MYBL2: variants seen among roughly 807,000 people sequenced by gnomAD.
MYBL2 encodes MYB proto-oncogene like 2, also known as myb-related protein B.
A neutral mutation model predicts 79.9 loss-of-function variants in MYBL2; 28 were observed. The ratio of observed to expected loss-of-function variants is 0.35; its 90% CI spans 0.26 to 0.48. MYBL2 has a LOEUF of 0.48. Among genes scored for constraint, MYBL2 ranks in the 20% least tolerant of loss-of-function variants. The pLI is 0.99. For missense variants in MYBL2, 735 were observed against 893.9 expected, an observed-to-expected ratio of 0.82 and a Z score of 2.27; for synonymous variants, 378 against 361.2, an observed-to-expected ratio of 1.05 and a Z score of -0.53.
At chr20:43,714,366 C>G (rs1319710587) in intron 12 of MYBL2, among the ~76,000 whole-genome samples, 1 of 152,192 alleles carries the variant, frequency 6.6e-6, no homozygotes. Context: ...TTGGCTCCTC[C>G]TGAGGCTTTA....
rs1421056874 is a variant in MYBL2, at chr20:43,710,000, A to G, written c.1543A>G (p.Thr515Ala). The G allele has an allele frequency of 1.9e-6, 3 of 1,607,402 alleles. No homozygotes were observed. The highest frequency in any genetic ancestry group is 3.4e-5 in the Admixed American group (2 of 58,992). ...TPDQKYSMDNTPHTPTPFKNA... is the reference protein window; with the variant it reads ...TPDQKYSMDNAPHTPTPFKNA... Reference sequence around the variant, plus strand: ...AGATCAGAAGTACTCCATGGACAACACTCCCCACACGCCAACCCCGTTCAA... The same window carrying G: ...AGATCAGAAGTACTCCATGGACAACGCTCCCCACACGCCAACCCCGTTCAA... The change falls in exon 10 of 14, where the codon ACT becomes GCT. Residue 515 changes from threonine to alanine, a missense_variant. Thr to Ala is a moderately conservative substitution (Grantham distance 58). Transcript: ENST00000217026.
rs778719386 is a variant in MYBL2, at chr20:43,702,781, A to G, written c.1243A>G (p.Lys415Glu). ...TPPSVLKRQR[K>E]RRVALSPVTE... ...GCCCTCTGTGCTCAAGCGGCAGAGG[A>G]AGAGGCGTGTGGCTCTGTCCCCTGT... is the stretch of plus-strand genomic sequence containing the variant. Residue 415 changes from lysine (K) to glutamate (E), a missense_variant, in exon 8 of 14, where the codon AAG (lysine) becomes GAG (glutamate). Physicochemically the swap from Lys to Glu is moderately conservative, Grantham distance 56. Transcript: ENST00000217026. 1.7e-5 allele frequency: 27 copies of G among 1,614,056 alleles called. No homozygotes were observed. The highest frequency in any genetic ancestry group is 2.2e-5 in the Non-Finnish European group (26 of 1,180,034).
rs1987952204 is a variant in MYBL2, at chr20:43,713,231, G to A, written c.1824+125G>A. 5 of 585,956 alleles carry A rather than the reference G, an allele frequency of 8.5e-6. 1 individual carries two copies. Among genetic ancestry groups the A allele is most frequent in the South Asian group, 7.3e-5 (4 of 54,548 alleles). The allele number at this position is 585,956 out of a possible 1,614,324, so 36.3% of individuals were successfully genotyped here. A position where few individuals can be genotyped will look rare whatever the true frequency, so the allele number is the denominator to read the frequency against. On this transcript the variant is annotated intron_variant, in intron 12 of 13. Coordinates refer to ENST00000217026, the MANE Select transcript of MYBL2 (RefSeq NM_002466.4). ...CTGCAGGGAGGGGCTATCAGGGAGG[G>A]TGGGTCCGGGCACCCACTCATGGCT...
chr20:43,690,649 T>A (rs184397039), intron 5 of MYBL2, among the ~76,000 whole-genome samples: 3 of 152,352 alleles, frequency 2.0e-5, no homozygotes, highest in African/African-American at 7.2e-5. Context: ...TCTCTTAGAC[T>A]GGGTGCTCAG....
intron 1 of MYBL2, among the ~76,000 whole-genome samples, chr20:43,673,184 A>G (rs184391261): frequency 2.6e-4 from 39 of 150,254 alleles, no homozygotes; most frequent in Middle Eastern, 3.6e-3. Context: ...ACCTCAAGCA[A>G]TCCACCCACC....
At chr20:43,670,458 C>T (rs1301212070) in intron 1 of MYBL2, among the ~76,000 whole-genome samples, 1 of 152,096 alleles carries the variant, frequency 6.6e-6, no homozygotes, top group Non-Finnish European at 1.5e-5. Flanking sequence ...TTGGGTCTTG[C>T]CTGGCCTAAA....
At chr20:43,712,731 TG>T (rs1284628659) in intron 11 of MYBL2, among the ~76,000 whole-genome samples, 1 of 152,158 alleles carries the variant, frequency 6.6e-6, no homozygotes, top group African/African-American at 2.4e-5. Context: ...GGTCACTTCG[TG>T]GTGGAGGTTC....
In MYBL2 at chr20:43,686,908, C is replaced by A. The variant is rs1987289020; in HGVS notation, c.336C>A (p.His112Gln). 6.2e-7 allele frequency: 1 copy of A among 1,614,058 alleles called. No individual in the cohort carries two copies. The highest frequency in any genetic ancestry group is 1.7e-5 in the Admixed American group (1 of 59,990). The change falls in exon 5 of 14, where the codon CAC (histidine) becomes CAA (glutamine). Residue 112 changes from histidine to glutamine, a missense_variant. His to Gln is a conservative substitution (Grantham distance 24). Around this residue, in one of 5 missense-constraint regions of MYBL2, gnomAD observed 65 missense variants for 145.2 expected, o/e 0.45. Coordinates refer to ENST00000217026, the MANE Select transcript of MYBL2 (RefSeq NM_002466.4). Reference sequence around the variant, plus strand: ...AGCAGTGGACACTGATTGCCAAGCACCTGAAGGGCCGGCTGGGGAAGCAGT... The same window carrying A: ...AGCAGTGGACACTGATTGCCAAGCAACTGAAGGGCCGGCTGGGGAAGCAGT... Reference protein sequence around the residue: ...GTKQWTLIAKHLKGRLGKQCR... With the variant: ...GTKQWTLIAKQLKGRLGKQCR...
At chr20:43,711,717 A>G in intron 11 of MYBL2, 116 bp downstream of exon 11, 1 of 894,156 alleles carries the variant, frequency 1.1e-6, no homozygotes, top group South Asian at 1.6e-5. Flanking sequence ...GGGGCGTAGC[A>G]TATCCCCTTT....
At chr20:43,701,440 A>C (rs539453171) in intron 7 of MYBL2, among the ~76,000 whole-genome samples, 1 of 152,278 alleles carries the variant, frequency 6.6e-6, no homozygotes, top group South Asian at 2.1e-4. Flanking sequence ...AGAAGCCAGA[A>C]CCCAAAGACC....
At chr20:43,686,270 T>A (rs1253794247) in intron 4 of MYBL2, among the ~76,000 whole-genome samples, 2 of 151,996 alleles carry the variant, frequency 1.3e-5, no homozygotes, top group African/African-American at 4.8e-5. Context: ...CTCTTGTGGC[T>A]GCGTATGTTG....
chr20:43,716,380 C>G lies in MYBL2; in HGVS notation c.*293C>G, dbSNP rs1249095220. 2 of 447,758 alleles carry G rather than the reference C, an allele frequency of 4.5e-6. No individual in the cohort carries two copies. Among genetic ancestry groups the G allele is most frequent in the South Asian group, 2.8e-5 (1 of 36,360 alleles). 27.7% of individuals were successfully genotyped at this position (447,758 alleles called of 1,614,324 possible). ...CTCCCAAGCCCACGTCAGGCCTGGCCTCATCTCAGACCCTGCTTAGGATGG... is the reference window on the plus strand; with the variant it reads ...CTCCCAAGCCCACGTCAGGCCTGGCGTCATCTCAGACCCTGCTTAGGATGG... On this transcript the variant is annotated 3_prime_UTR_variant, in exon 14 of 14. Coordinates refer to ENST00000217026, the MANE Select transcript of MYBL2 (RefSeq NM_002466.4).
chr20:43,673,880 T>G lies in MYBL2; in HGVS notation c.95T>G (p.Val32Gly). Residue 32 changes from valine to glycine, a missense_variant, in exon 2 of 14, where the codon GTC becomes GGC. Around this residue, in one of 5 missense-constraint regions of MYBL2, gnomAD observed 79 missense variants for 86.7 expected, o/e 0.91. Transcript: ENST00000217026. Reference protein sequence around the residue: ...VPEQRDSKCKVKWTHEEDEQL... With the variant: ...VPEQRDSKCKGKWTHEEDEQL... ...GAGCAGAGGGATAGCAAGTGCAAGGTCAAATGGACCCATGAGGAGGTGAGT... is the reference window on the plus strand; with the variant it reads ...GAGCAGAGGGATAGCAAGTGCAAGGGCAAATGGACCCATGAGGAGGTGAGT... 2 of 1,552,730 alleles carry G rather than the reference T, an allele frequency of 1.3e-6. No individual in the cohort carries two copies. The highest frequency in any genetic ancestry group is 1.7e-6 in the Non-Finnish European group (2 of 1,147,564).
At chr20:43,683,032 T>A in intron 4 of MYBL2, 146 bp downstream of exon 4, 2 of 740,024 alleles carry the variant, frequency 2.7e-6, no homozygotes, top group Non-Finnish European at 4.7e-6. Flanking sequence ...GACACTCTTA[T>A]GCTGCCCTGG....
chr20:43,682,882 A>T lies in MYBL2; in HGVS notation c.275A>T (p.Gln92Leu). 1 of 1,613,542 alleles carries T rather than the reference A, an allele frequency of 6.2e-7. No homozygotes were observed. ...VKGPWTKEED[Q>L]KVIELVKKYG... The stretch of plus-strand genomic sequence containing the variant: ...GGGCCATGGACCAAAGAGGAAGACC[A>T]AAAAGTAACTGCTGGGACAGTGCCT... Residue 92 changes from glutamine to leucine, a missense_variant, in exon 4 of 14, where the codon CAA becomes CTA. Around this residue, in one of 5 missense-constraint regions of MYBL2, gnomAD observed 65 missense variants for 145.2 expected, o/e 0.45. Coordinates refer to ENST00000217026, the MANE Select transcript of MYBL2 (RefSeq NM_002466.4).
intron 11 of MYBL2, 39 bp downstream of exon 11, chr20:43,711,640 A>C: frequency 3.9e-6 from 6 of 1,557,724 alleles, no homozygotes; most frequent in Non-Finnish European, 4.4e-6. Flanking sequence ...GGCAGGGGGA[A>C]TTGGAGCCGT....
At chr20:43,687,165 T>A in intron 5 of MYBL2, 93 bp downstream of exon 5, 1 of 1,318,972 alleles carries the variant, frequency 7.6e-7, no homozygotes, top group South Asian at 1.4e-5. Flanking sequence ...ATTGTGGTCC[T>A]GTGCTCTTGT....
intron 8 of MYBL2, among the ~76,000 whole-genome samples, chr20:43,704,207 G>A (rs1056886414): frequency 2.0e-5 from 3 of 152,030 alleles, no homozygotes; most frequent in African/African-American, 4.8e-5. Context: ...GTAGAGACAG[G>A]GTTTCTCCAG....
intron 6 of MYBL2, among the ~76,000 whole-genome samples, chr20:43,698,186 TAAAG>T (rs1987594864): frequency 6.6e-6 from 1 of 151,256 alleles, no homozygotes; most frequent in Non-Finnish European, 1.5e-5. Context: ...CTTTATTTTA[TAAAG>T]GTATAATTTA....
Sources: allele counts gnomAD v4.1 joint callset (sites outside exome capture counted in the v4.1 genomes callset), GRCh38; gene constraint gnomAD v4.1.1; regional missense constraint gnomAD v4.1.1; transcripts MANE v1.5; gene names NCBI Gene and HGNC (gene_info 2026-07-23, HGNC 2026-07-21).